Variants in ACOXL observed in about 807,000 individuals in gnomAD.
ACOXL encodes the protein acyl-CoA oxidase like.
ACOXL carries 70 observed loss-of-function variants against 71.9 expected under a neutral mutation model. That is an observed-to-expected ratio of 0.97 (90% confidence interval 0.80 to 1.19). ACOXL has a LOEUF of 1.19. Among genes scored for constraint, ACOXL ranks in the 50% most tolerant of loss-of-function variants. ACOXL has a pLI of 0.00. For missense variants in ACOXL, 703 were observed against 736.3 expected (o/e 0.95, Z 0.52); for synonymous variants, 253 against 281.6 (o/e 0.90, Z 1.02).
At chr2:110,733,799 C>G (rs1676495683) in intron 1 of ACOXL, among the ~76,000 whole-genome samples, 1 of 152,164 alleles carries the variant, frequency 6.6e-6, no homozygotes, top group Non-Finnish European at 1.5e-5. Context: ...TTCTCTTTCC[C>G]TCTCTCTCAT....
intron 8 of ACOXL, among the ~76,000 whole-genome samples, 153 bp from the exon 9 acceptor site, chr2:110,805,110 C>T (rs1686464292): frequency 6.6e-6 from 1 of 152,204 alleles, no homozygotes; most frequent in African/African-American, 2.4e-5. Context: ...GAGGGACTCC[C>T]CCTGCCCTTA....
intron 14 of ACOXL, among the ~76,000 whole-genome samples, chr2:111,028,330 C>T: frequency 6.6e-6 from 1 of 151,890 alleles, no homozygotes; most frequent in East Asian, 1.9e-4. Context: ...GTCACCCAGG[C>T]TAGAGTGCAA....
chr2:111,106,713 G>A (rs1036074945), intron 17 of ACOXL, among the ~76,000 whole-genome samples: 8 of 152,072 alleles, frequency 5.3e-5, no homozygotes, highest in African/African-American at 4.8e-5. Flanking sequence ...GGGGTGCATC[G>A]CCTCATTACT....
At chr2:110,897,859 C>T (rs932932181) in intron 10 of ACOXL, among the ~76,000 whole-genome samples, 1 of 151,242 alleles carries the variant, frequency 6.6e-6, no homozygotes, top group East Asian at 1.9e-4. Flanking sequence ...GTGAGACTGT[C>T]AAAGAAAAAA....
At chr2:110,995,782 A>G (rs1558842950) in intron 13 of ACOXL, 111 bp from the exon 14 acceptor site, 9 of 743,078 alleles carry the variant, frequency 1.2e-5, no homozygotes, top group African/African-American at 3.6e-5. Context: ...TATTGACACT[A>G]TTTTTCTACA....
At chr2:110,801,547 TG>T in intron 7 of ACOXL, 104 bp from the exon 8 acceptor site, 1 of 986,114 alleles carries the variant, frequency 1.0e-6, no homozygotes, top group South Asian at 1.5e-5. Context: ...CCAACAATTC[TG>T]GAAGTAAAAT....
intron 2 of ACOXL, among the ~76,000 whole-genome samples, chr2:110,777,234 T>A (rs1242130289): frequency 6.6e-6 from 1 of 152,078 alleles, no homozygotes; most frequent in East Asian, 1.9e-4. Flanking sequence ...GGGATCCCCA[T>A]GGCATGGGTG....
At chr2:111,004,661 A>AG (rs1419423691) in intron 14 of ACOXL, among the ~76,000 whole-genome samples, 2 of 152,168 alleles carry the variant, frequency 1.3e-5, no homozygotes, top group Non-Finnish European at 2.9e-5. Flanking sequence ...GGAAGAAAAA[A>AG]TAAACCAATA....
intron 11 of ACOXL, among the ~76,000 whole-genome samples, chr2:110,916,185 T>C (rs190661130): frequency 3.0e-3 from 458 of 152,200 alleles, no homozygotes; most frequent in Non-Finnish European, 4.1e-3. Context: ...GACTGTAAGA[T>C]CTGTGACAAT....
intron 17 of ACOXL, chr2:111,098,668 G>C (rs1178204629): frequency 2.0e-5 from 3 of 152,142 alleles, no homozygotes; most frequent in African/African-American, 7.2e-5. Context: ...TTTACAATGA[G>C]CCATAGTTAT....
At chr2:110,915,113 TTTG>T (rs1346843120) in intron 11 of ACOXL, among the ~76,000 whole-genome samples, 1 of 151,982 alleles carries the variant, frequency 6.6e-6, no homozygotes, top group Non-Finnish European at 1.5e-5. Flanking sequence ...TTTAACTATT[TTTG>T]TTGTTGTTGT....
chr2:110,736,062 C>G (rs1676795991), intron 1 of ACOXL, among the ~76,000 whole-genome samples: 2 of 152,142 alleles, frequency 1.3e-5, no homozygotes, highest in Admixed American at 1.3e-4. Flanking sequence ...CTTTCCTTCC[C>G]TAGAGCAATG....
At chr2:111,028,369 G>T (rs978721203) in intron 14 of ACOXL, among the ~76,000 whole-genome samples, 2 of 151,704 alleles carry the variant, frequency 1.3e-5, no homozygotes, top group African/African-American at 4.8e-5. Context: ...GTATACCCAG[G>T]CTCAAGCAAT....
At chr2:110,867,756 CA>C (rs1237639550) in intron 10 of ACOXL, among the ~76,000 whole-genome samples, 2 of 151,966 alleles carry the variant, frequency 1.3e-5, no homozygotes, top group Non-Finnish European at 2.9e-5. Context: ...CATGAAAAAG[CA>C]ACTCAAAAAT....
chr2:111,014,408 A>G (rs1169403005), intron 14 of ACOXL, among the ~76,000 whole-genome samples: 1 of 152,234 alleles, frequency 6.6e-6, no homozygotes, highest in Admixed American at 6.5e-5. Context: ...AACACATTTA[A>G]TAGTAAAACC....
intron 10 of ACOXL, chr2:110,886,722 G>A: frequency 6.5e-7 from 1 of 1,548,978 alleles, no homozygotes; most frequent in Non-Finnish European, 8.7e-7. Flanking sequence ...TTTGACTGGA[G>A]TTAGCCTTGC....
chr2:110,976,212 T>A (rs2062438458), intron 12 of ACOXL, among the ~76,000 whole-genome samples: 1 of 152,186 alleles, frequency 6.6e-6, no homozygotes, highest in Admixed American at 6.5e-5. Flanking sequence ...CACAGACCTC[T>A]CAAGCAGCAC....
rs1048333253 is a variant in ACOXL at position 110,937,820 on chromosome 2, C to T, written c.1059+4178C>T. ...GGCATGATTTTGGGCCAGTTATTCC[C>T]ACCCTATGCCTCAGTTTTTCCTTAC... On this transcript the variant is annotated intron_variant, in intron 12 of 17. Transcript: ENST00000439055. 2.4e-4 allele frequency among the ~76,000 whole-genome samples: 37 copies of T among 152,200 alleles called. 1 individual carries two copies. The highest frequency in any genetic ancestry group is 2.6e-4 in the Admixed American group (4 of 15,278).
intron 16 of ACOXL, 36 bp from the exon 17 acceptor site, chr2:111,092,829 A>G (rs1477975211): frequency 3.5e-5 from 49 of 1,416,880 alleles, no homozygotes; most frequent in Non-Finnish European, 4.9e-5. Flanking sequence ...ATATATTGCT[A>G]TTTGTCCATT....
Sources: gnomAD v4.1 joint callset for allele counts (sites outside exome capture counted in the v4.1 genomes callset) on GRCh38, gnomAD v4.1.1 for gene constraint, MANE v1.5 for transcripts, NCBI Gene and HGNC (gene_info 2026-07-23, HGNC 2026-07-21) for gene names.